The following DCAF6 variants were observed in gnomAD, a reference collection of about 807,000 sequenced individuals.
DCAF6 encodes the protein DDB1- and CUL4-associated factor 6.
DCAF6 carries 54 observed loss-of-function variants against 125.1 expected under a neutral mutation model. The observed-to-expected ratio is 0.43, with a 90% confidence interval of 0.35 to 0.54. The LOEUF (loss-of-function observed/expected upper bound fraction) is 0.54. Ranked by LOEUF, DCAF6 falls within the 20% of genes least tolerant of loss-of-function variation. The probability of loss-of-function intolerance (pLI) is 0.01; values close to 1 mark genes in which losing one functional copy is unlikely to be tolerated. For missense variants in DCAF6, 934 were observed against 1,161.7 expected (o/e 0.80, Z 2.85); for synonymous variants, 371 against 390.4 (o/e 0.95, Z 0.58).
At chr1:167,906,380 T>G in the DCAF6 span, among the ~76,000 whole-genome samples, 1 of 148,088 alleles carries the variant, frequency 6.8e-6, no homozygotes, top group Non-Finnish European at 1.5e-5. Flanking sequence ...AAAAAAAGGG[T>G]AGCATTAAAA....
intron 3 of DCAF6, among the ~76,000 whole-genome samples, chr1:167,972,233 C>T (rs1200430283): frequency 6.6e-6 from 1 of 152,250 alleles, no homozygotes; most frequent in Non-Finnish European, 1.5e-5. Flanking sequence ...TCTGCAGTAT[C>T]ATACATACCC....
At chr1:167,899,486 G>T in the DCAF6 span, 3 of 1,614,204 alleles carry the variant, frequency 1.9e-6, no homozygotes, top group Non-Finnish European at 2.5e-6. Flanking sequence ...AGAGCTGCCA[G>T]CAGTTTGGTG....
At chr1:168,072,332 A>T (rs866433911) in intron 21 of DCAF6, among the ~76,000 whole-genome samples, 2 of 149,116 alleles carry the variant, frequency 1.3e-5, no homozygotes, top group Non-Finnish European at 3.0e-5. Flanking sequence ...AAAAGAAAAG[A>T]AAAGTCTTCC....
the DCAF6 span, chr1:167,870,329 T>C: frequency 1.2e-6 from 2 of 1,613,900 alleles, no homozygotes; most frequent in Non-Finnish European, 8.5e-7. Context: ...TGGTAATCCC[T>C]CATACATTAA....
At chr1:167,870,782 C>T in the DCAF6 span, among the ~76,000 whole-genome samples, 1 of 151,054 alleles carries the variant, frequency 6.6e-6, no homozygotes, top group African/African-American at 2.4e-5. Flanking sequence ...GCACTCCAGC[C>T]TGGGCGACAA....
At chr1:167,926,478 A>G in the DCAF6 span, among the ~76,000 whole-genome samples, 1 of 152,228 alleles carries the variant, frequency 6.6e-6, no homozygotes, top group Non-Finnish European at 1.5e-5. Context: ...AGGGGAATAT[A>G]AAAGAAAACA....
upstream of DCAF6, among the ~76,000 whole-genome samples, chr1:167,933,923 C>T (rs1265131183): frequency 1.3e-5 from 2 of 152,170 alleles, no homozygotes; most frequent in Non-Finnish European, 2.9e-5. Context: ...GACATTAGAT[C>T]ATCTGATTTT....
At chr1:167,924,877 A>G in the DCAF6 span, among the ~76,000 whole-genome samples, 1 of 152,178 alleles carries the variant, frequency 6.6e-6, no homozygotes, top group African/African-American at 2.4e-5. Context: ...TCTCATCCCA[A>G]ATGAAAATGA....
intron 16 of DCAF6, among the ~76,000 whole-genome samples, chr1:168,047,725 T>A (rs1456126000): frequency 1.3e-5 from 2 of 151,966 alleles, no homozygotes; most frequent in Admixed American, 1.3e-4. Flanking sequence ...TATATATATA[T>A]AAAAGATGTG....
chr1:167,954,832 A>C (rs999288892), intron 2 of DCAF6, among the ~76,000 whole-genome samples: 5 of 152,254 alleles, frequency 3.3e-5, no homozygotes, highest in Non-Finnish European at 7.3e-5. Flanking sequence ...TGTTTAACAC[A>C]TGTAAACATA....
chr1:167,944,993 T>C (rs1672841241), intron 1 of DCAF6, among the ~76,000 whole-genome samples: 1 of 152,216 alleles, frequency 6.6e-6, no homozygotes, highest in Non-Finnish European at 1.5e-5. Context: ...TTCCACAGTG[T>C]ATGTTCTTGT....
intron 12 of DCAF6, 81 bp downstream of exon 12, chr1:168,023,128 C>G: frequency 2.2e-6 from 3 of 1,350,958 alleles, no homozygotes; most frequent in Non-Finnish European, 3.2e-6. Flanking sequence ...TCACACCTTT[C>G]GTAGCATTTC....
chr1:168,070,819 GA>G (rs1558058425), intron 21 of DCAF6, among the ~76,000 whole-genome samples: 1 of 152,146 alleles, frequency 6.6e-6, no homozygotes, highest in African/African-American at 2.4e-5. Context: ...GAATGTCTTA[GA>G]ATCACTTTAC....
At chr1:168,001,697 GA>G (rs777518422) in intron 7 of DCAF6, among the ~76,000 whole-genome samples, 42 of 152,108 alleles carry the variant, frequency 2.8e-4, no homozygotes, top group Middle Eastern at 3.2e-3. Context: ...AGAGCCAAGA[GA>G]GAGAAAATGG....
At chr1:168,009,324 C>G (rs560144839) in intron 10 of DCAF6, among the ~76,000 whole-genome samples, 76 of 148,818 alleles carry the variant, frequency 5.1e-4, no homozygotes, top group African/African-American at 1.9e-3. Flanking sequence ...CTTCTCTTCT[C>G]TTCTTCTTTC....
the DCAF6 span, among the ~76,000 whole-genome samples, chr1:167,879,163 C>G: frequency 6.6e-6 from 1 of 152,206 alleles, no homozygotes. Flanking sequence ...TGAACACCAG[C>G]TCTACCCCTA....
intron 17 of DCAF6, among the ~76,000 whole-genome samples, chr1:168,052,459 C>G (rs1473872569): frequency 6.6e-6 from 1 of 152,156 alleles, no homozygotes; most frequent in African/African-American, 2.4e-5. Flanking sequence ...TCATTCTTCT[C>G]TACTTCATTT....
At chr1:167,946,735 G>A (rs1673151456) in intron 1 of DCAF6, among the ~76,000 whole-genome samples, 1 of 152,110 alleles carries the variant, frequency 6.6e-6, no homozygotes, top group Non-Finnish European at 1.5e-5. Context: ...TGATCATGGT[G>A]TATTATCTTT....
chr1:167,880,872 ACT>A, the DCAF6 span, among the ~76,000 whole-genome samples: 2 of 151,998 alleles, frequency 1.3e-5, no homozygotes, highest in African/African-American at 4.8e-5. Flanking sequence ...GCTTCGGCCT[ACT>A]CTCTCCTGTG....
Sources: gnomAD v4.1 joint callset for allele counts (sites outside exome capture counted in the v4.1 genomes callset) on GRCh38, gnomAD v4.1.1 for gene constraint, MANE v1.5 for transcripts, NCBI Gene and HGNC (gene_info 2026-07-23, HGNC 2026-07-21) for gene names.